Variants in WDR41 observed in about 807,000 individuals in gnomAD.
The protein encoded by WDR41 is WD repeat-containing protein 41.
Under a neutral mutation model 69.3 loss-of-function variants are expected in WDR41, and 63 were observed. The ratio of observed to expected loss-of-function variants is 0.91; its 90% CI spans 0.74 to 1.12. The LOEUF (loss-of-function observed/expected upper bound fraction) is 1.12. WDR41 is among the 50% of genes most tolerant of loss of function. The probability of loss-of-function intolerance (pLI) is 0.00; values close to 1 mark genes in which losing one functional copy is unlikely to be tolerated. For missense variants in WDR41, 543 were observed against 534.5 expected, an observed-to-expected ratio of 1.02 and a Z score of -0.16; for synonymous variants, 185 against 192.1, an observed-to-expected ratio of 0.96 and a Z score of 0.31.
intron 1 of WDR41, among the ~76,000 whole-genome samples, chr5:77,542,219 A>T (rs1313176590): frequency 6.6e-6 from 1 of 152,196 alleles, no homozygotes; most frequent in Admixed American, 6.5e-5. Flanking sequence ...GTGCTGAATG[A>T]CGAGAAAACA....
upstream of WDR41, among the ~76,000 whole-genome samples, chr5:77,495,729 A>G (rs1801924376): frequency 6.6e-6 from 1 of 152,108 alleles, no homozygotes; most frequent in Non-Finnish European, 1.5e-5. Context: ...AATTCTTCCA[A>G]AAAGTGAAGA....
At chr5:77,562,595 T>C (rs1313656249) in intron 1 of WDR41, among the ~76,000 whole-genome samples, 1 of 152,188 alleles carries the variant, frequency 6.6e-6, no homozygotes, top group Non-Finnish European at 1.5e-5. Flanking sequence ...GTCCAAACTT[T>C]TTCCTTCTAA....
intron 1 of WDR41, chr5:77,582,743 T>C (rs1743962227): frequency 6.3e-7 from 1 of 1,595,116 alleles, no homozygotes; most frequent in African/African-American, 1.3e-5. Context: ...GGAACCTTTG[T>C]GAAGCTCAAC....
chr5:77,501,412 CCTA>C (rs1802016578), intron 1 of WDR41, among the ~76,000 whole-genome samples: 1 of 152,244 alleles, frequency 6.6e-6, no homozygotes, highest in Non-Finnish European at 1.5e-5. Flanking sequence ...CTCAGCAAGG[CCTA>C]CTGCCTCTAT....
At chr5:77,572,844 C>A (rs1349303793) in intron 1 of WDR41, among the ~76,000 whole-genome samples, 1 of 152,200 alleles carries the variant, frequency 6.6e-6, no homozygotes, top group Non-Finnish European at 1.5e-5. Flanking sequence ...TATTTTATTT[C>A]ATTTTGTATC....
At chr5:77,521,015 T>C (rs1217199985) in intron 1 of WDR41, among the ~76,000 whole-genome samples, 1 of 152,212 alleles carries the variant, frequency 6.6e-6, no homozygotes. Flanking sequence ...GAAGCCTATA[T>C]GCCAGGAGAC....
At chr5:77,479,514 C>T (rs435851) in intron 2 of WDR41, among the ~76,000 whole-genome samples, 22,396 of 151,768 alleles carry the variant, frequency 0.15, 2,408 homozygotes, top group African/African-American at 0.28. Flanking sequence ...TCAGAAATAA[C>T]GCCGCATATC....
chr5:77,531,225 A>C (rs1461099951), intron 1 of WDR41, among the ~76,000 whole-genome samples: 1 of 152,008 alleles, frequency 6.6e-6, no homozygotes, highest in African/African-American at 2.4e-5. Context: ...GACAACATAC[A>C]GAATGGGAAA....
chr5:77,557,946 G>A (rs2112252334), intron 1 of WDR41, among the ~76,000 whole-genome samples: 1 of 152,000 alleles, frequency 6.6e-6, no homozygotes, highest in African/African-American at 2.4e-5. Flanking sequence ...CCAAAAACAT[G>A]CAAAATTAAA....
chr5:77,436,844 TG>T (rs2151285475), intron 11 of WDR41, among the ~76,000 whole-genome samples: 1 of 152,334 alleles, frequency 6.6e-6, no homozygotes, highest in South Asian at 2.1e-4. Context: ...GTGCAAAGGT[TG>T]GTAACTAATT....
chr5:77,575,532 C>A (rs1002473850), intron 1 of WDR41, among the ~76,000 whole-genome samples: 4 of 152,168 alleles, frequency 2.6e-5, no homozygotes, highest in African/African-American at 9.7e-5. Context: ...TAAGGGAACA[C>A]ACCTTAGGGC....
At chr5:77,509,505 A>G (rs903145152) in intron 1 of WDR41, among the ~76,000 whole-genome samples, 3 of 152,248 alleles carry the variant, frequency 2.0e-5, no homozygotes, top group African/African-American at 7.2e-5. Context: ...CATACAGTAG[A>G]ATATTATGCC....
intron 1 of WDR41, among the ~76,000 whole-genome samples, chr5:77,523,495 T>C (rs956724260): frequency 1.3e-5 from 2 of 152,104 alleles, no homozygotes; most frequent in Admixed American, 6.6e-5. Flanking sequence ...CTGTTATTCC[T>C]ACTTTCAAGG....
chr5:77,594,015 GTAGA>G (rs1744175644), intron 1 of WDR41, among the ~76,000 whole-genome samples: 1 of 152,066 alleles, frequency 6.6e-6, no homozygotes, highest in African/African-American at 2.4e-5. Context: ...AGATAGATAC[GTAGA>G]TAGATAGATG....
At chr5:77,474,401 C>G (rs575632788) in intron 2 of WDR41, among the ~76,000 whole-genome samples, 1 of 151,932 alleles carries the variant, frequency 6.6e-6, no homozygotes, top group Non-Finnish European at 1.5e-5. Flanking sequence ...CTAACCTGCA[C>G]ATTGTGCACA....
intron 1 of WDR41, among the ~76,000 whole-genome samples, chr5:77,522,730 G>A (rs1389486114): frequency 2.0e-5 from 3 of 152,064 alleles, no homozygotes; most frequent in Admixed American, 2.0e-4. Context: ...GATAAGTCAC[G>A]AGTTCTCCAA....
intron 1 of WDR41, among the ~76,000 whole-genome samples, chr5:77,605,679 G>A (rs1226068258): frequency 1.3e-5 from 2 of 152,184 alleles, no homozygotes; most frequent in Non-Finnish European, 2.9e-5. Context: ...AGACACAGCA[G>A]CTGGCTGGCC....
At chr5:77,568,905 G>A (rs1743683760) in intron 1 of WDR41, among the ~76,000 whole-genome samples, 2 of 152,084 alleles carry the variant, frequency 1.3e-5, no homozygotes, top group South Asian at 2.1e-4. Context: ...AAAACCCTAA[G>A]CAAGAAGAGA....
rs768074763 is a variant in WDR41, at chr5:77,433,157, C to G, written c.1358G>C (p.Gly453Ala). 2 of 1,613,276 alleles carry G rather than the reference C, an allele frequency of 1.2e-6. No homozygotes were observed. Among genetic ancestry groups the G allele is most frequent in the South Asian group, 2.2e-5 (2 of 90,792 alleles). ...AAACTAGACAGCAAGGTATAAGTCA[C>G]CATTCTCCTCTAATTTTTGAAATAA... ...LRLFQKLEEN[G>A]DLYLAV Residue 453 changes from glycine (G) to alanine (A), a missense_variant, in exon 13 of 13, where the codon GGT (glycine) becomes GCT (alanine). Gly to Ala is a moderately conservative substitution (Grantham distance 60). Transcript: ENST00000296679.
Sources: allele counts gnomAD v4.1 joint callset (sites outside exome capture counted in the v4.1 genomes callset), GRCh38; gene constraint gnomAD v4.1.1; transcripts MANE v1.5; gene names NCBI Gene and HGNC (gene_info 2026-07-23, HGNC 2026-07-21).